The following IQSEC1 variants were observed in gnomAD, a reference collection of about 807,000 sequenced individuals.
IQSEC1 encodes the protein IQ motif and SEC7 domain-containing protein 1.
In IQSEC1, 31 loss-of-function variants were observed where a neutral mutation model predicts 91.0. That is an observed-to-expected ratio of 0.34 (90% CI 0.26 to 0.46). IQSEC1 has a LOEUF of 0.46. Ranked by LOEUF, IQSEC1 falls within the 20% of genes least tolerant of loss-of-function variation. The pLI is 1.00. For missense variants in IQSEC1, 1,388 were observed against 1,575.6 expected (o/e 0.88, Z 2.02); for synonymous variants, 699 against 662.6 (o/e 1.05, Z -0.84).
At chr3:12,904,397 C>G (rs370055163) in intron 12 of IQSEC1, among the ~76,000 whole-genome samples, 7 of 152,258 alleles carry the variant, frequency 4.6e-5, no homozygotes, top group African/African-American at 1.7e-4. Flanking sequence ...GGCTCAACAC[C>G]AGTTGCTGAA....
At chr3:13,263,435 G>GAAAAAGTACCTGACACTTTTTTTGTTT in intron 1 of IQSEC1, among the ~76,000 whole-genome samples, 1 of 130,430 alleles carries the variant, frequency 7.7e-6, no homozygotes, top group African/African-American at 2.6e-5. Flanking sequence ...TTTGGGGGGG[G>GAAAAAGTACCTGACACTTTTTTTGTTT]GGGGAAAGTA....
intron 1 of IQSEC1, among the ~76,000 whole-genome samples, chr3:12,953,151 C>T (rs1699670336): frequency 6.6e-6 from 1 of 152,210 alleles, no homozygotes; most frequent in South Asian, 2.1e-4. Context: ...CAGGGGGAAA[C>T]AGAGAATGTC....
intron 1 of IQSEC1, among the ~76,000 whole-genome samples, chr3:13,182,059 G>C (rs2125019294): frequency 6.6e-6 from 1 of 152,284 alleles, no homozygotes; most frequent in East Asian, 1.9e-4. Context: ...ATCATTTTCA[G>C]CCATTCTTGT....
chr3:13,189,152 C>T (rs563848583), intron 1 of IQSEC1, among the ~76,000 whole-genome samples: 1 of 152,310 alleles, frequency 6.6e-6, no homozygotes, highest in East Asian at 1.9e-4. Flanking sequence ...GCTCTGTGAC[C>T]CCACACTGCC....
intron 1 of IQSEC1, among the ~76,000 whole-genome samples, chr3:12,985,499 C>T (rs559413909): frequency 1.2e-4 from 19 of 152,026 alleles, no homozygotes; most frequent in East Asian, 3.9e-4. Flanking sequence ...ATCCCCCCCC[C>T]CCCGCCAACC....
At chr3:12,930,302 T>C (rs1372233097) in intron 3 of IQSEC1, among the ~76,000 whole-genome samples, 1 of 152,228 alleles carries the variant, frequency 6.6e-6, no homozygotes, top group Non-Finnish European at 1.5e-5. Flanking sequence ...GCATGTGCCA[T>C]TGTGCTTGGC....
At position 12,899,843 on chromosome 3, in the gene IQSEC1, G is replaced by T; in HGVS notation, c.*1140C>A. The T allele has an allele frequency of 1.0e-6, 1 of 985,322 alleles. No homozygotes were observed. Among genetic ancestry groups the T allele is most frequent in the South Asian group, 4.7e-5 (1 of 21,266 alleles). The allele number at this position is 985,322 out of a possible 1,614,324, so 61.0% of individuals were successfully genotyped here. A position where few individuals can be genotyped will look rare whatever the true frequency, so the allele number is the denominator to read the frequency against. ...GTTGGAGGCGGGATGAGGACGTTAT[G>T]GTGTTGGGGAGACGAGGATGAGAGC... On this transcript the variant is annotated 3_prime_UTR_variant, in exon 14 of 14. Transcript: ENST00000613206.
chr3:12,927,566 C>T (rs923774602), intron 3 of IQSEC1, among the ~76,000 whole-genome samples: 2 of 152,224 alleles, frequency 1.3e-5, no homozygotes, highest in African/African-American at 4.8e-5. Flanking sequence ...CCCCCATCCA[C>T]CCTCTGATGT....
rs150863500 is a variant in IQSEC1, at chr3:12,935,640, A to C, written c.1376T>G (p.Ile459Ser). 3.1e-6 allele frequency: 5 copies of C among 1,613,948 alleles called. No individual in the cohort carries two copies. In the African/African-American group the frequency reaches 6.7e-5, roughly 22 times the overall value. ...SDYSDGDNDS[I>S]NSTSNSNDTI... ...ATCGTTGGAGTTGGACGTGCTGTTG[A>C]TGCTGTCATTGTCACCGTCTGAGTA... The change falls in exon 3 of 14, where the codon ATC becomes AGC. Residue 459 changes from isoleucine (I) to serine (S), a missense_variant. Transcript: ENST00000613206. The surrounding 1 kb of genome is among the most constrained non-coding windows in gnomAD (Gnocchi z 8.0).
At chr3:13,267,615 C>A (rs1006210223) in intron 1 of IQSEC1, among the ~76,000 whole-genome samples, 1 of 144,972 alleles carries the variant, frequency 6.9e-6, no homozygotes, top group Non-Finnish European at 1.5e-5. Flanking sequence ...TTTTTTTTTT[C>A]TTTTTCTTTT....
intron 1 of IQSEC1, among the ~76,000 whole-genome samples, chr3:13,005,361 A>C (rs1238287267): frequency 6.6e-6 from 1 of 152,082 alleles, no homozygotes; most frequent in Non-Finnish European, 1.5e-5. Flanking sequence ...GCTCTGGAAG[A>C]TGAGGGGATC....
intron 1 of IQSEC1, among the ~76,000 whole-genome samples, chr3:13,217,288 C>T (rs1399598346): frequency 6.6e-6 from 1 of 152,220 alleles, no homozygotes; most frequent in Non-Finnish European, 1.5e-5. Context: ...CCATCTTCAG[C>T]CCCCAGCAAT....
At chr3:13,085,015 T>G (rs1348614391) in intron 2 of IQSEC1, among the ~76,000 whole-genome samples, 1 of 152,124 alleles carries the variant, frequency 6.6e-6, no homozygotes, top group Non-Finnish European at 1.5e-5. Context: ...AGGGTTGTCC[T>G]CGGACAGAAA....
intron 2 of IQSEC1, 37 bp from the exon 3 acceptor site, chr3:12,936,734 T>G (rs1018622476): frequency 3.3e-6 from 5 of 1,509,704 alleles, no homozygotes; most frequent in Middle Eastern, 1.7e-4. Flanking sequence ...CAGCACTGCA[T>G]GTAGGCACAG....
chr3:12,926,130 G>A (rs1162564342), intron 3 of IQSEC1, among the ~76,000 whole-genome samples: 1 of 152,126 alleles, frequency 6.6e-6, no homozygotes, highest in African/African-American at 2.4e-5. Context: ...GGACAACATG[G>A]TGAAACCCCA....
intron 1 of IQSEC1, among the ~76,000 whole-genome samples, chr3:12,999,201 A>T (rs1446810951): frequency 2.0e-5 from 3 of 152,122 alleles, no homozygotes; most frequent in Non-Finnish European, 4.4e-5. Context: ...CCCCTCTATC[A>T]AGAAGCATAA....
intron 2 of IQSEC1, among the ~76,000 whole-genome samples, chr3:13,112,238 G>A (rs1040128318): frequency 1.3e-5 from 2 of 152,188 alleles, no homozygotes; most frequent in Non-Finnish European, 2.9e-5. Flanking sequence ...CATTCACCAC[G>A]GCAGGTGCCT....
chr3:13,021,422 C>G (rs961061420), intron 1 of IQSEC1, among the ~76,000 whole-genome samples: 2 of 152,242 alleles, frequency 1.3e-5, no homozygotes, highest in Non-Finnish European at 2.9e-5. Context: ...GTATCCAACA[C>G]TGACTGAATG....
chr3:13,019,888 G>T (rs923419021), intron 1 of IQSEC1, among the ~76,000 whole-genome samples: 1 of 152,216 alleles, frequency 6.6e-6, no homozygotes, highest in African/African-American at 2.4e-5. Flanking sequence ...CCACAGCCCC[G>T]TCAGGTGGCC....
Sources: gnomAD v4.1 joint callset for allele counts (sites outside exome capture counted in the v4.1 genomes callset) on GRCh38, gnomAD v4.1.1 for gene constraint, Gnocchi (gnomAD v3.1) non-coding constraint, MANE v1.5 for transcripts, NCBI Gene and HGNC (gene_info 2026-07-23, HGNC 2026-07-21) for gene names.